Variants in AGAP1 observed in about 807,000 individuals in gnomAD.
AGAP1 encodes the protein arf-GAP with GTPase, ANK repeat and PH domain-containing protein 1.
Under a neutral mutation model 105.3 loss-of-function variants are expected in AGAP1, and 29 were observed. That is an observed-to-expected ratio of 0.28 (90% CI 0.21 to 0.38). The LOEUF (loss-of-function observed/expected upper bound fraction) is 0.38, where lower values mean the gene tolerates loss of function less well. Among genes scored for constraint, AGAP1 ranks in the 10% least tolerant of loss-of-function variants. AGAP1 has a pLI of 1.00. For missense variants in AGAP1, 998 were observed against 1,165.1 expected (o/e 0.86, Z 2.09); for synonymous variants, 509 against 485.9 (o/e 1.05, Z -0.63).
intron 6 of AGAP1, among the ~76,000 whole-genome samples, chr2:235,797,081 T>C (rs950289858): frequency 6.6e-6 from 1 of 152,196 alleles, no homozygotes; most frequent in African/African-American, 2.4e-5. Context: ...TCCTTGAATA[T>C]AATTCTCTAT....
intron 2 of AGAP1, among the ~76,000 whole-genome samples, chr2:235,710,953 T>C (rs1302470879): frequency 6.6e-6 from 1 of 152,120 alleles, no homozygotes; most frequent in East Asian, 1.9e-4. Flanking sequence ...TGGGGAGGGA[T>C]AGGTACGGTT....
chr2:235,676,219 A>G (rs1490734317), intron 1 of AGAP1, among the ~76,000 whole-genome samples: 3 of 152,118 alleles, frequency 2.0e-5, no homozygotes, highest in East Asian at 1.9e-4. Context: ...TGATATGACT[A>G]TTTCTCTGCA....
chr2:235,575,227 T>C (rs1211426267), intron 1 of AGAP1, among the ~76,000 whole-genome samples: 1 of 152,210 alleles, frequency 6.6e-6, no homozygotes, highest in African/African-American at 2.4e-5. Flanking sequence ...TTGTACAAAA[T>C]GTAGCTTGAT....
intron 12 of AGAP1, among the ~76,000 whole-genome samples, chr2:235,948,387 C>T (rs921145710): frequency 6.6e-6 from 1 of 152,132 alleles, no homozygotes; most frequent in Non-Finnish European, 1.5e-5. Context: ...GTTTCACCAT[C>T]GTGCCCTGGC....
Position 235,744,818 on chromosome 2 carries a change from C to A in AGAP1, c.517C>A (p.Leu173Met), listed in dbSNP as rs756230653. 12 of 1,613,948 alleles carry A rather than the reference C, an allele frequency of 7.4e-6. No individual in the cohort carries two copies. Among genetic ancestry groups the A allele is most frequent in the Non-Finnish European group, 1.0e-5 (12 of 1,180,034 alleles). The change falls in exon 5 of 18, where the codon CTG becomes ATG. Residue 173 changes from leucine (L) to methionine (M), a missense_variant. This residue lies in a region of AGAP1 where 735 missense variants were observed against 833.4 expected (regional missense o/e 0.88). Coordinates refer to ENST00000304032, the MANE Select transcript of AGAP1 (RefSeq NM_001037131.3). This position sits in a 1 kb window ranked among gnomAD's most constrained non-coding sequence, Gnocchi z 5.2. ...ANYRNTSEIP[L>M]VLVGTQDAIS... ...CTATCGGAACACGAGCGAGATTCCT[C>A]TGGTTCTGGTGGGAACCCAGGGTGA...
intron 9 of AGAP1, among the ~76,000 whole-genome samples, chr2:235,862,358 G>A (rs1445785046): frequency 2.4e-4 from 36 of 152,180 alleles, no homozygotes; most frequent in Admixed American, 2.0e-3. Context: ...TCAAAGTGGC[G>A]GTGGTAGTAA....
rs970193804 is a variant in AGAP1 at position 235,549,769 on chromosome 2, C to T, written c.163+54920C>T. 6.6e-6 allele frequency among the ~76,000 whole-genome samples: 1 copy of T among 152,210 alleles called. No individual in the cohort carries two copies. The highest frequency in any genetic ancestry group is 2.4e-5 in the African/African-American group (1 of 41,456). ...GTTCTATATAGAACTGTTTACACCTCTCAGGATTCTTACTCTAACAAACAG... is the reference window on the plus strand; with the variant it reads ...GTTCTATATAGAACTGTTTACACCTTTCAGGATTCTTACTCTAACAAACAG... On this transcript the variant is annotated intron_variant, in intron 1 of 17. Transcript: ENST00000304032. This position sits in a 1 kb window ranked among gnomAD's most constrained non-coding sequence, Gnocchi z 4.2.
In AGAP1 at chr2:236,036,838, T is replaced by G. The variant is rs1436350017; in HGVS notation, c.1800+123T>G. ...TGAATGACAGGACCTAGCTATTCTTTATGAGCAGAAAGCTCAATAACTAAA... is the reference window on the plus strand; with the variant it reads ...TGAATGACAGGACCTAGCTATTCTTGATGAGCAGAAAGCTCAATAACTAAA... On this transcript the variant is annotated intron_variant, in intron 14 of 17. Transcript: ENST00000304032. This position sits in a 1 kb window ranked among gnomAD's most constrained non-coding sequence, Gnocchi z 5.7. 3.6e-5 allele frequency: 51 copies of G among 1,421,606 alleles called. No homozygotes were observed. The highest frequency in any genetic ancestry group is 4.2e-5 in the Non-Finnish European group (45 of 1,068,474). 88.1% of individuals were successfully genotyped at this position (1,421,606 alleles called of 1,614,324 possible). A position where few individuals can be genotyped will look rare whatever the true frequency, so the allele number is the denominator to read the frequency against.
chr2:235,937,286 C>T (rs984432090), intron 12 of AGAP1, among the ~76,000 whole-genome samples: 1 of 152,190 alleles, frequency 6.6e-6, no homozygotes, highest in African/African-American at 2.4e-5. Context: ...CTTCTGTGCT[C>T]GGAGCCTGCT....
At chr2:235,652,086 A>T (rs1469282964) in intron 1 of AGAP1, among the ~76,000 whole-genome samples, 1 of 152,186 alleles carries the variant, frequency 6.6e-6, no homozygotes, top group East Asian at 1.9e-4. Context: ...GAAGGGGGCA[A>T]ACTTAATTTC....
intron 1 of AGAP1, among the ~76,000 whole-genome samples, chr2:235,698,890 A>G (rs1950123900): frequency 6.6e-6 from 1 of 152,216 alleles, no homozygotes; most frequent in South Asian, 2.1e-4. Flanking sequence ...AGGCTCAACA[A>G]TAAATTGAAC....
rs3768925 is a variant in AGAP1, at chr2:236,114,147, A to G, written c.2115-6045A>G. On this transcript the variant is annotated intron_variant, in intron 16 of 17. Coordinates refer to ENST00000304032, the MANE Select transcript of AGAP1 (RefSeq NM_001037131.3). The surrounding 1 kb of genome is among the most constrained non-coding windows in gnomAD (Gnocchi z 5.0). ...GCTCATTAGCTAACGGAGGCTGTGA[A>G]CGGTGATCCTCCCGGGGATTGGAAT... Among the ~76,000 whole-genome samples, 67,906 of 151,832 alleles carry G rather than the reference A, an allele frequency of 0.45. 15,489 individuals are homozygous for G. Among genetic ancestry groups the G allele is most frequent in the Middle Eastern group, 0.53 (157 of 294 alleles).
chr2:235,886,318 C>T (rs536838428), intron 10 of AGAP1, among the ~76,000 whole-genome samples: 56 of 152,374 alleles, frequency 3.7e-4, no homozygotes, highest in African/African-American at 1.3e-3. Context: ...GATACATTTC[C>T]AGTCAACATA....
chr2:235,954,071 C>G (rs193077702), intron 12 of AGAP1, among the ~76,000 whole-genome samples: 1 of 152,114 alleles, frequency 6.6e-6, no homozygotes, highest in East Asian at 1.9e-4. Context: ...TTCTTCTATT[C>G]TCTACTAAAA....
At chr2:236,075,802 G>C (rs13003806) in intron 16 of AGAP1, among the ~76,000 whole-genome samples, 9,961 of 152,340 alleles carry the variant, frequency 0.065, 444 homozygotes, top group Non-Finnish European at 0.11. Flanking sequence ...GTGTCATCAA[G>C]ATGCCGCCAT....
intron 11 of AGAP1, among the ~76,000 whole-genome samples, chr2:235,917,534 G>A (rs980967634): frequency 5.3e-5 from 8 of 151,938 alleles, no homozygotes; most frequent in African/African-American, 1.9e-4. Flanking sequence ...GGGTCATAAT[G>A]AGAGCATTTA....
In AGAP1 at chr2:235,967,144, C is replaced by A. The variant is rs563276676; in HGVS notation, c.1484-1318C>A. Reference sequence around the variant, plus strand: ...TTCCGCAGGCCTCTCCCACCCACACCGGCCACCGCCACTCGGGCCCCCTCT... The same window carrying A: ...TTCCGCAGGCCTCTCCCACCCACACAGGCCACCGCCACTCGGGCCCCCTCT... On this transcript the variant is annotated intron_variant, in intron 12 of 17. Coordinates refer to ENST00000304032, the MANE Select transcript of AGAP1 (RefSeq NM_001037131.3). This position sits in a 1 kb window ranked among gnomAD's most constrained non-coding sequence, Gnocchi z 4.7. Among the ~76,000 whole-genome samples, 260 of 152,200 alleles carry A rather than the reference C, an allele frequency of 1.7e-3. 1 individual carries two copies. Among genetic ancestry groups the A allele is most frequent in the African/African-American group, 6.1e-3 (255 of 41,520 alleles).
chr2:235,587,197 C>G (rs1013500355), intron 1 of AGAP1, among the ~76,000 whole-genome samples: 1 of 152,156 alleles, frequency 6.6e-6, no homozygotes, highest in African/African-American at 2.4e-5. Flanking sequence ...CTCTTGTCTC[C>G]TCATTCTGTG....
chr2:235,924,969 C>T (rs2052373372), intron 11 of AGAP1, among the ~76,000 whole-genome samples: 2 of 152,182 alleles, frequency 1.3e-5, no homozygotes, highest in South Asian at 4.2e-4. Context: ...AACTGAGGCC[C>T]GTGGAGAGCT....
Sources: allele counts gnomAD v4.1 joint callset (sites outside exome capture counted in the v4.1 genomes callset), GRCh38; gene constraint gnomAD v4.1.1; regional missense constraint gnomAD v4.1.1; non-coding constraint Gnocchi (gnomAD v3.1); transcripts MANE v1.5; gene names NCBI Gene and HGNC (gene_info 2026-07-23, HGNC 2026-07-21).